The following SLC28A1 variants were observed in gnomAD, a reference collection of about 807,000 sequenced individuals.
The protein encoded by SLC28A1 is solute carrier family 28 member 1, also known as sodium/nucleoside cotransporter 1.
In SLC28A1, 64 loss-of-function variants were observed where a neutral mutation model predicts 74.8. The ratio of observed to expected loss-of-function variants is 0.86; its 90% CI spans 0.70 to 1.05. SLC28A1 has a LOEUF of 1.05. Among genes scored for constraint, SLC28A1 ranks in the 50% least tolerant of loss-of-function variants. The probability of loss-of-function intolerance (pLI) is 0.00; values close to 1 mark genes in which losing one functional copy is unlikely to be tolerated. For synonymous variants in SLC28A1, 359 were observed against 335.0 expected, an observed-to-expected ratio of 1.07 and a Z score of -0.78; for missense variants, 828 against 822.8, an observed-to-expected ratio of 1.01 and a Z score of -0.08.
chr15:84,953,038 C>G, the SLC28A1 span, among the ~76,000 whole-genome samples: 1 of 152,184 alleles, frequency 6.6e-6, no homozygotes, highest in Non-Finnish European at 1.5e-5. Context: ...TCAATGCCAT[C>G]GCATCAATTA....
chr15:84,887,948 T>G, intron 3 of SLC28A1, 92 bp downstream of exon 3: 3 of 883,898 alleles, frequency 3.4e-6, no homozygotes, highest in Non-Finnish European at 5.8e-6. Context: ...CTCACCACCT[T>G]CCCTCATACC....
intron 13 of SLC28A1, 40 bp downstream of exon 13, chr15:84,933,315 C>T: frequency 1.2e-6 from 2 of 1,605,796 alleles, no homozygotes; most frequent in Non-Finnish European, 1.7e-6. Context: ...GGTAGTGGTA[C>T]AAGGTGGGGG....
At chr15:84,917,891 G>C (rs1272233937) in intron 9 of SLC28A1, among the ~76,000 whole-genome samples, 1 of 152,156 alleles carries the variant, frequency 6.6e-6, no homozygotes, top group African/African-American at 2.4e-5. Context: ...GGGTGTGAGA[G>C]AAATTCTAAA....
At chr15:84,921,725 G>A (rs141266245) in intron 11 of SLC28A1, among the ~76,000 whole-genome samples, 38 of 152,118 alleles carry the variant, frequency 2.5e-4, no homozygotes, top group African/African-American at 8.9e-4. Context: ...TTTTTGCTAC[G>A]GTGCATGTGT....
downstream of SLC28A1, among the ~76,000 whole-genome samples, chr15:84,947,996 G>A (rs1419203774): frequency 3.4e-5 from 5 of 146,424 alleles, no homozygotes; most frequent in East Asian, 6.4e-4. Flanking sequence ...AATGGCATGG[G>A]GAAAAAAAAA....
Position 84,884,805 on chromosome 15 carries a change from G to A in SLC28A1, c.-133+54G>A, listed in dbSNP as rs142518544. On this transcript the variant is annotated intron_variant, in intron 1 of 18. Coordinates refer to ENST00000394573, the MANE Select transcript of SLC28A1 (RefSeq NM_004213.5). ...GGAAGGCGGGACTGAAGAAAGGAGGGGAAGGGGGTAGCACAGGGCAAAGTG... is the reference window on the plus strand; with the variant it reads ...GGAAGGCGGGACTGAAGAAAGGAGGAGAAGGGGGTAGCACAGGGCAAAGTG... 2.4e-3 allele frequency: 2,188 copies of A among 919,432 alleles called. 7 individuals are homozygous for A. The highest frequency in any genetic ancestry group is 0.014 in the Middle Eastern group (25 of 1,774). 57.0% of individuals were successfully genotyped at this position (919,432 alleles called of 1,614,324 possible).
chr15:84,946,085 C>CATATATAT (rs1352839442), downstream of SLC28A1, among the ~76,000 whole-genome samples: 48 of 23,960 alleles, frequency 2.0e-3, no homozygotes, highest in South Asian at 4.7e-3. Context: ...TGTGTATGTT[C>CATATATAT]ATATATATAT....
chr15:84,942,546 A>G (rs1972831588), intron 15 of SLC28A1, among the ~76,000 whole-genome samples: 1 of 152,188 alleles, frequency 6.6e-6, no homozygotes, highest in Non-Finnish European at 1.5e-5. Context: ...CATACATTAT[A>G]TAATCCTTTT....
intron 9 of SLC28A1, among the ~76,000 whole-genome samples, chr15:84,912,766 G>C (rs1968446591): frequency 6.7e-6 from 1 of 150,128 alleles, no homozygotes; most frequent in Non-Finnish European, 1.5e-5. Flanking sequence ...TATAGACTCT[G>C]CAGTCCCCAG....
intron 13 of SLC28A1, 140 bp downstream of exon 13, chr15:84,933,415 C>T: frequency 9.8e-7 from 1 of 1,021,076 alleles, no homozygotes; most frequent in South Asian, 1.4e-5. Context: ...CTGGTTTGGG[C>T]TTCATTTGCT....
chr15:84,957,234 T>C, the SLC28A1 span, among the ~76,000 whole-genome samples: 6 of 152,106 alleles, frequency 3.9e-5, no homozygotes, highest in African/African-American at 1.4e-4. Flanking sequence ...CCCAACTCCA[T>C]TCTTTTGCAC....
At chr15:84,892,111 AG>A (rs1293750472) in intron 5 of SLC28A1, among the ~76,000 whole-genome samples, 1 of 152,098 alleles carries the variant, frequency 6.6e-6, no homozygotes, top group Non-Finnish European at 1.5e-5. Flanking sequence ...ATGTAGTGGG[AG>A]GCTGTAGTGG....
intron 9 of SLC28A1, among the ~76,000 whole-genome samples, chr15:84,914,500 A>T (rs745748137): frequency 2.0e-4 from 30 of 152,214 alleles, no homozygotes; most frequent in Non-Finnish European, 3.7e-4. Context: ...GGTGGCTGGG[A>T]AATGCATCTG....
rs774483391 is a variant in SLC28A1, at chr15:84,904,139, G to C, written c.504G>C (p.Leu168=). 6.2e-7 allele frequency: 1 copy of C among 1,614,188 alleles called. No individual in the cohort carries two copies. The highest frequency in any genetic ancestry group is 1.7e-5 in the Admixed American group (1 of 60,024). Residue 168 remains leucine (L), a synonymous_variant, in exon 7 of 19, where the codon CTG becomes CTC. Transcript: ENST00000394573. ...LAAFLGLVLW[L]SLDTSQRPEQ... is the part of the protein sequence containing the mutation. ...CTTTCCTGGGCCTGGTCCTGTGGCT[G>C]TCTCTGGACACCTCCCAGCGGCCTG...
chr15:84,912,806 GCACACACACACACA>G (rs199525878), intron 9 of SLC28A1, among the ~76,000 whole-genome samples: 20 of 112,294 alleles, frequency 1.8e-4, no homozygotes, highest in South Asian at 7.5e-4. Context: ...TTGCGCGCGC[GCACACACACACACA>G]CACACACACA....
At position 84,944,646 on chromosome 15, in the gene SLC28A1, G is replaced by A. The variant is rs1450383769; in HGVS notation, c.1744G>A (p.Val582Met). 1.2e-6 allele frequency: 2 copies of A among 1,613,588 alleles called. No individual in the cohort carries two copies. The highest frequency in any genetic ancestry group is 1.7e-6 in the Non-Finnish European group (2 of 1,179,618). Residue 582 changes from valine to methionine, a missense_variant, in exon 17 of 19, where the codon GTG (valine) becomes ATG (methionine). Coordinates refer to ENST00000394573, the MANE Select transcript of SLC28A1 (RefSeq NM_004213.5). ...CTTCACGGGAGCCTGTGTGTCCCTG[G>A]TGAACGCCTGTATGGCAGGTGAGTG... The part of the protein sequence containing the change: ...ALFTGACVSL[V>M]NACMAGILYM...
At chr15:84,905,687 T>G in intron 8 of SLC28A1, 35 bp downstream of exon 8, 1 of 1,444,970 alleles carries the variant, frequency 6.9e-7, no homozygotes, top group Non-Finnish European at 9.7e-7. Context: ...CAGAGCATCT[T>G]AGATTACTGG....
chr15:84,905,349 C>T (rs923550308), intron 7 of SLC28A1, among the ~76,000 whole-genome samples, 190 bp from the exon 8 acceptor site: 1 of 152,220 alleles, frequency 6.6e-6, no homozygotes, highest in Non-Finnish European at 1.5e-5. Flanking sequence ...CTGCCCAGGC[C>T]CATTCCTACC....
At chr15:84,895,285 A>C in intron 6 of SLC28A1, 162 bp downstream of exon 6, 1 of 1,583,218 alleles carries the variant, frequency 6.3e-7, no homozygotes, top group South Asian at 1.1e-5. Context: ...CAAACAAAGC[A>C]GCATCTTTGT....
Sources: allele counts gnomAD v4.1 joint callset (sites outside exome capture counted in the v4.1 genomes callset), GRCh38; gene constraint gnomAD v4.1.1; transcripts MANE v1.5; gene names NCBI Gene and HGNC (gene_info 2026-07-23, HGNC 2026-07-21).